FUT8: variants seen among roughly 807,000 people sequenced by gnomAD.
FUT8 encodes fucosyltransferase 8, also known as alpha-(1,6)-fucosyltransferase.
A neutral mutation model predicts 71.3 loss-of-function variants in FUT8; 29 were observed. The observed-to-expected ratio is 0.41, with a 90% CI of 0.30 to 0.55. The LOEUF is 0.55. Among genes scored for constraint, FUT8 ranks in the 20% least tolerant of loss-of-function variants. The pLI, the probability that FUT8 is intolerant of heterozygous loss-of-function variation, is 0.34. For missense variants in FUT8, 544 were observed against 702.1 expected, an observed-to-expected ratio of 0.77 and a Z score of 2.55; for synonymous variants, 254 against 239.3, an observed-to-expected ratio of 1.06 and a Z score of -0.57.
intron 9 of FUT8, among the ~76,000 whole-genome samples, chr14:65,731,329 A>G (rs908690869): frequency 3.9e-5 from 6 of 152,332 alleles, no homozygotes; most frequent in African/African-American, 1.2e-4. Context: ...AGAACACCAG[A>G]TATTAGTTTA....
chr14:65,465,555 T>TA (rs2066030351), intron 2 of FUT8, among the ~76,000 whole-genome samples: 1 of 152,272 alleles, frequency 6.6e-6, no homozygotes, highest in African/African-American at 2.4e-5. Flanking sequence ...ATCTACGAGT[T>TA]ATTTGTAAGT....
chr14:65,529,407 A>T (rs938385432), intron 2 of FUT8: 3 of 152,032 alleles, frequency 2.0e-5, no homozygotes, highest in Non-Finnish European at 4.4e-5. Flanking sequence ...AATAGTTTTT[A>T]TTTTTAGTAG....
chr14:65,465,331 T>C (rs1251210072), intron 2 of FUT8, among the ~76,000 whole-genome samples: 8 of 152,140 alleles, frequency 5.3e-5, no homozygotes, highest in Non-Finnish European at 8.8e-5. Flanking sequence ...CCCACATTTA[T>C]TTACTTACTT....
At chr14:65,455,389 G>A (rs2065882307) in intron 1 of FUT8, among the ~76,000 whole-genome samples, 1 of 152,132 alleles carries the variant, frequency 6.6e-6, no homozygotes, top group African/African-American at 2.4e-5. Context: ...GAACTATGAA[G>A]CAAATTAAAC....
chr14:65,594,442 A>G (rs1887853354), intron 3 of FUT8, among the ~76,000 whole-genome samples: 1 of 152,128 alleles, frequency 6.6e-6, no homozygotes, highest in East Asian at 1.9e-4. Flanking sequence ...GTATGTTGCA[A>G]TGCTGTCTTA....
upstream of FUT8, among the ~76,000 whole-genome samples, chr14:65,409,674 C>A (rs934230363): frequency 5.9e-5 from 9 of 152,210 alleles, no homozygotes; most frequent in Admixed American, 2.0e-4. This position sits in a 1 kb window ranked among gnomAD's most constrained non-coding sequence, Gnocchi z 5.4. Context: ...TCATTTTGAT[C>A]TTTTCCATAG....
intron 9 of FUT8, 43 bp downstream of exon 9, chr14:65,724,366 T>C (rs1458281159): frequency 8.0e-7 from 1 of 1,255,640 alleles, no homozygotes; most frequent in Non-Finnish European, 1.1e-6. Context: ...GGTTGTCTCT[T>C]TCAGTTTAAA....
chr14:65,729,529 T>TC (rs1895860004), intron 9 of FUT8, among the ~76,000 whole-genome samples: 1 of 64,888 alleles, frequency 1.5e-5, no homozygotes, highest in African/African-American at 3.1e-5. Context: ...ATATAAACTT[T>TC]TTTTTTTTTT....
intron 9 of FUT8, 89 bp from the exon 10 acceptor site, chr14:65,733,142 T>G: frequency 3.9e-6 from 3 of 770,232 alleles, no homozygotes; most frequent in South Asian, 2.2e-5. Context: ...CTCCTTTCTG[T>G]GAGAAGCTCT....
chr14:65,696,362 C>T (rs1893996701), intron 7 of FUT8, among the ~76,000 whole-genome samples: 2 of 152,248 alleles, frequency 1.3e-5, no homozygotes, highest in Middle Eastern at 3.4e-3. Flanking sequence ...CAAAGGAATT[C>T]AAACATCTTT....
chr14:65,493,558 CTTATA>C (rs539441290), intron 2 of FUT8, among the ~76,000 whole-genome samples: 145 of 152,088 alleles, frequency 9.5e-4, no homozygotes, highest in Non-Finnish European at 1.2e-3. Flanking sequence ...AAATGCTTTT[CTTATA>C]TTATAACCTA....
intron 2 of FUT8, among the ~76,000 whole-genome samples, chr14:65,539,457 C>T (rs1188614110): frequency 6.6e-6 from 1 of 152,174 alleles, no homozygotes; most frequent in Admixed American, 6.5e-5. Flanking sequence ...CTGATATTAG[C>T]ATAGTTCAGT....
intron 10 of FUT8, among the ~76,000 whole-genome samples, chr14:65,739,106 GAAT>G (rs1305066336): frequency 6.6e-6 from 1 of 151,982 alleles, no homozygotes; most frequent in Non-Finnish European, 1.5e-5. Context: ...TGTAAAATAT[GAAT>G]AATAATAGTA....
intron 2 of FUT8, among the ~76,000 whole-genome samples, chr14:65,501,468 C>G (rs1213155369): frequency 6.6e-6 from 1 of 152,072 alleles, no homozygotes; most frequent in East Asian, 1.9e-4. Flanking sequence ...AGGGGAATTT[C>G]TGAGAGTGCC....
chr14:65,622,196 C>T (rs1312541921), intron 5 of FUT8, among the ~76,000 whole-genome samples: 2 of 152,210 alleles, frequency 1.3e-5, no homozygotes, highest in Non-Finnish European at 2.9e-5. Flanking sequence ...GCTAAGTTAA[C>T]AGAACGGTTT....
upstream of FUT8, chr14:65,412,227 T>G (rs1397893866): frequency 2.2e-6 from 1 of 456,630 alleles, no homozygotes; most frequent in Non-Finnish European, 4.4e-6. Context: ...CATTGTAGGA[T>G]CGCGCTGGAA....
intron 3 of FUT8, among the ~76,000 whole-genome samples, chr14:65,584,179 C>CTT (rs5809283): frequency 7.9e-6 from 1 of 125,914 alleles, no homozygotes; most frequent in African/African-American, 2.9e-5. Flanking sequence ...CACGCCCAGC[C>CTT]TTTTTTTTTT....
chr14:65,460,286 A>G (rs1414818590), intron 2 of FUT8, among the ~76,000 whole-genome samples: 1 of 152,230 alleles, frequency 6.6e-6, no homozygotes, highest in Non-Finnish European at 1.5e-5. Flanking sequence ...TGTTTAGCAA[A>G]CAGCCTAGGA....
chr14:65,742,209 C>T lies in FUT8; in HGVS notation c.1527C>T (p.Ala509=). ...FGGQNAHNQI[A]IYAHQPRTAD... is the part of the protein sequence containing the mutation. ...GCCAGAATGCCCACAATCAAATTGC[C>T]ATTTATGCTCACCAACCCCGAACTG... The change falls in exon 11 of 11, where the codon GCC becomes GCT. Residue 509 remains alanine, a synonymous_variant. Transcript: ENST00000673929. The T allele has an allele frequency of 6.2e-7, 1 of 1,613,158 alleles. No individual in the cohort carries two copies. Among genetic ancestry groups the T allele is most frequent in the Non-Finnish European group, 8.5e-7 (1 of 1,179,434 alleles).
Sources: allele counts gnomAD v4.1 joint callset (sites outside exome capture counted in the v4.1 genomes callset), GRCh38; gene constraint gnomAD v4.1.1; non-coding constraint Gnocchi (gnomAD v3.1); transcripts MANE v1.5; gene names NCBI Gene and HGNC (gene_info 2026-07-23, HGNC 2026-07-21).